Variants in LRRC8B observed in about 807,000 individuals in gnomAD.
LRRC8B encodes volume-regulated anion channel subunit LRRC8B.
Under a neutral mutation model 58.8 loss-of-function variants are expected in LRRC8B, and 23 were observed. That is an observed-to-expected ratio of 0.39 (90% CI 0.28 to 0.55). LRRC8B has a LOEUF of 0.55. Ranked by LOEUF, LRRC8B falls within the 20% of genes least tolerant of loss-of-function variation. The pLI, the probability that LRRC8B is intolerant of heterozygous loss-of-function variation, is 0.62. For synonymous variants in LRRC8B, 359 were observed against 374.1 expected (o/e 0.96, Z 0.47); for missense variants, 694 against 936.0 (o/e 0.74, Z 3.37).
intron 1 of LRRC8B, among the ~76,000 whole-genome samples, chr1:89,555,418 A>G (rs566437089): frequency 2.2e-4 from 33 of 152,124 alleles, no homozygotes; most frequent in Non-Finnish European, 3.2e-4. Flanking sequence ...ATTGTAAGAT[A>G]TTTTTGCAGT....
At chr1:89,551,985 A>G (rs970530360) in intron 1 of LRRC8B, among the ~76,000 whole-genome samples, 3 of 152,160 alleles carry the variant, frequency 2.0e-5, no homozygotes, top group Non-Finnish European at 2.9e-5. Flanking sequence ...GTCACTGCTT[A>G]TTTATTCATA....
At chr1:89,560,501 G>T (rs1465807750) in intron 1 of LRRC8B, among the ~76,000 whole-genome samples, 4 of 151,010 alleles carry the variant, frequency 2.6e-5, no homozygotes, top group African/African-American at 9.7e-5. Context: ...TCGTCATCTA[G>T]CATTAGGTAT....
chr1:89,546,096 G>T (rs1425683180), intron 1 of LRRC8B, among the ~76,000 whole-genome samples: 1 of 152,046 alleles, frequency 6.6e-6, no homozygotes, highest in East Asian at 1.9e-4. Flanking sequence ...GGTATATTAT[G>T]TGTTTTTTGA....
intron 1 of LRRC8B, among the ~76,000 whole-genome samples, chr1:89,538,711 G>GTT (rs199600161): frequency 6.9e-6 from 1 of 145,290 alleles, no homozygotes; most frequent in East Asian, 1.9e-4. Flanking sequence ...CATCTTCGAG[G>GTT]TTTTTTTTTG....
intron 1 of LRRC8B, among the ~76,000 whole-genome samples, chr1:89,542,260 G>A (rs746252325): frequency 1.6e-4 from 24 of 152,186 alleles, no homozygotes; most frequent in Non-Finnish European, 3.1e-4. Context: ...TTCTCACAGT[G>A]GCTCAGTCTC....
chr1:89,576,119 C>A (rs887316558), intron 3 of LRRC8B, among the ~76,000 whole-genome samples: 7 of 152,170 alleles, frequency 4.6e-5, no homozygotes, highest in Admixed American at 4.6e-4. Flanking sequence ...ATTGAAATAG[C>A]CTTTCAGCTG....
intron 1 of LRRC8B, among the ~76,000 whole-genome samples, chr1:89,567,669 G>A (rs952851808): frequency 6.6e-6 from 1 of 152,096 alleles, no homozygotes; most frequent in African/African-American, 2.4e-5. Flanking sequence ...GAAATAATTT[G>A]ATGCTGTATA....
At chr1:89,559,694 A>C (rs1291586576) in intron 1 of LRRC8B, among the ~76,000 whole-genome samples, 1 of 152,056 alleles carries the variant, frequency 6.6e-6, no homozygotes, top group Non-Finnish European at 1.5e-5. Context: ...ATTTTTGTGT[A>C]TATGTGAGGC....
At chr1:89,546,252 A>G (rs1213458360) in intron 1 of LRRC8B, among the ~76,000 whole-genome samples, 1 of 152,098 alleles carries the variant, frequency 6.6e-6, no homozygotes, top group Admixed American at 6.6e-5. Flanking sequence ...GCTAGTAGGC[A>G]CTGGTTCATT....
In LRRC8B at chr1:89,584,482, A is replaced by G; in HGVS notation, c.1832A>G (p.His611Arg). The change falls in exon 5 of 6, where the codon CAT (histidine) becomes CGT (arginine). Residue 611 changes from histidine (H) to arginine (R), a missense_variant. Coordinates refer to ENST00000330947, the MANE Select transcript of LRRC8B (RefSeq NM_001369817.2). ...TCCATTTTCAGCCTGAATAATTTGC[A>G]TGAGTTAGACCTAAGGGAAAATAAC... is the stretch of plus-strand genomic sequence containing the variant. ...PHSIFSLNNL[H>R]ELDLRENNLK... 1.2e-6 allele frequency: 2 copies of G among 1,614,232 alleles called. No individual in the cohort carries two copies. Among genetic ancestry groups the G allele is most frequent in the Non-Finnish European group, 1.7e-6 (2 of 1,180,042 alleles).
chr1:89,567,546 A>G (rs1653134441), intron 1 of LRRC8B, among the ~76,000 whole-genome samples: 1 of 152,194 alleles, frequency 6.6e-6, no homozygotes, highest in Non-Finnish European at 1.5e-5. Context: ...AAGCAACAAT[A>G]AGATCATTTT....
intron 1 of LRRC8B, among the ~76,000 whole-genome samples, chr1:89,565,764 C>CA (rs1475938575): frequency 2.0e-5 from 3 of 152,180 alleles, no homozygotes; most frequent in African/African-American, 7.2e-5. Flanking sequence ...ACAAGACTGA[C>CA]ACGGGAGTGG....
intron 1 of LRRC8B, among the ~76,000 whole-genome samples, chr1:89,550,373 A>G (rs1414113110): frequency 6.6e-6 from 1 of 152,096 alleles, no homozygotes; most frequent in Non-Finnish European, 1.5e-5. Context: ...TAAATTTAAG[A>G]TTTGACGCTG....
chr1:89,537,895 C>T (rs1047642109), intron 1 of LRRC8B, among the ~76,000 whole-genome samples: 1 of 152,220 alleles, frequency 6.6e-6, no homozygotes, highest in South Asian at 2.1e-4. Context: ...AGTCTGCTGA[C>T]ATCTTGTGAT....
chr1:89,525,662 A>C (rs1450899688), intron 1 of LRRC8B, among the ~76,000 whole-genome samples: 1 of 152,222 alleles, frequency 6.6e-6, no homozygotes, highest in Non-Finnish European at 1.5e-5. Context: ...AGGTGCTGAG[A>C]GGTCAGAAGG....
intron 3 of LRRC8B, among the ~76,000 whole-genome samples, chr1:89,574,448 G>A (rs748627830): frequency 1.3e-5 from 2 of 152,120 alleles, no homozygotes; most frequent in Non-Finnish European, 2.9e-5. Context: ...TGGTACCCTT[G>A]TTTTATATTG....
At chr1:89,589,022 CA>C in intron 5 of LRRC8B, among the ~76,000 whole-genome samples, 1 of 152,214 alleles carries the variant, frequency 6.6e-6, no homozygotes, top group East Asian at 1.9e-4. Context: ...TGTATTACAA[CA>C]AAATTATATT....
At position 89,593,237 on chromosome 1, in the gene LRRC8B, C is replaced by T. The variant is rs757776420; in HGVS notation, c.*194C>T. ...TAAAACTACAAAAAAATTAGCCAGG[C>T]GTGGTGGCGTGCGCCTGTAATCCCA... On this transcript the variant is annotated 3_prime_UTR_variant, in exon 6 of 6. Coordinates refer to ENST00000330947, the MANE Select transcript of LRRC8B (RefSeq NM_001369817.2). 14 of 541,906 alleles carry T rather than the reference C, an allele frequency of 2.6e-5. No homozygotes were observed. The highest frequency in any genetic ancestry group is 1.7e-4 in the African/African-American group (9 of 52,750). 33.6% of individuals were successfully genotyped at this position (541,906 alleles called of 1,614,324 possible). A position where few individuals can be genotyped will look rare whatever the true frequency, so the allele number is the denominator to read the frequency against.
chr1:89,577,844 C>G (rs1653959764), intron 3 of LRRC8B, among the ~76,000 whole-genome samples: 1 of 151,958 alleles, frequency 6.6e-6, no homozygotes, highest in African/African-American at 2.4e-5. Flanking sequence ...CAGTTATAAC[C>G]CAGTTATAAT....
Sources: allele counts gnomAD v4.1 joint callset (sites outside exome capture counted in the v4.1 genomes callset), GRCh38; gene constraint gnomAD v4.1.1; transcripts MANE v1.5; gene names NCBI Gene and HGNC (gene_info 2026-07-23, HGNC 2026-07-21).